TFPI: variants seen among roughly 807,000 people sequenced by gnomAD.
TFPI encodes the protein anti-convertin.
TFPI carries 15 observed loss-of-function variants against 34.6 expected under a neutral mutation model. The observed-to-expected ratio is 0.43, with a 90% CI of 0.29 to 0.67. The LOEUF is 0.67. Among genes scored for constraint, TFPI ranks in the 30% least tolerant of loss-of-function variants. TFPI has a pLI of 0.15. For synonymous variants in TFPI, 105 were observed against 120.1 expected, an observed-to-expected ratio of 0.87 and a Z score of 0.82; for missense variants, 301 against 364.0, an observed-to-expected ratio of 0.83 and a Z score of 1.41.
chr2:187,473,806 T>A (rs1692198337), intron 6 of TFPI, among the ~76,000 whole-genome samples: 1 of 150,894 alleles, frequency 6.6e-6, no homozygotes, highest in Non-Finnish European at 1.5e-5. Context: ...GTGGAGCTTT[T>A]TTTTTTCCCC....
intron 1 of TFPI, among the ~76,000 whole-genome samples, chr2:187,551,950 G>A (rs1689111570): frequency 6.6e-6 from 1 of 151,668 alleles, no homozygotes; most frequent in Non-Finnish European, 1.5e-5. Flanking sequence ...TAGATGAGTT[G>A]TATTGTAGTA....
At chr2:187,540,751 TGTG>T (rs1369153473) in intron 1 of TFPI, among the ~76,000 whole-genome samples, 11 of 151,398 alleles carry the variant, frequency 7.3e-5, no homozygotes, top group Admixed American at 2.0e-4. Flanking sequence ...ACTAGCCTGG[TGTG>T]GTGATGTGCA....
chr2:187,467,677 A>G (rs1180380063), intron 7 of TFPI, 76 bp downstream of exon 7: 1 of 1,284,668 alleles, frequency 7.8e-7, no homozygotes, highest in Admixed American at 2.7e-5. Context: ...TTAATTTCAT[A>G]TCTTAATAGA....
chr2:187,483,820 T>C (rs2106010210), intron 6 of TFPI: 1 of 327,908 alleles, frequency 3.0e-6, no homozygotes, highest in East Asian at 8.1e-5. Flanking sequence ...CTGAGGCTGA[T>C]AATTCCTAGC....
At position 187,554,259 on chromosome 2, in the gene TFPI, T is replaced by G. The variant is rs147563448; in HGVS notation, c.-62A>C. The G allele has an allele frequency of 3.5e-4, 54 of 152,320 alleles. No individual in the cohort carries two copies. Among genetic ancestry groups the G allele is most frequent in the African/African-American group, 1.3e-3 (53 of 41,560 alleles). 9.4% of individuals were successfully genotyped at this position (152,320 alleles called of 1,614,324 possible). On this transcript the variant is annotated 5_prime_UTR_variant, in exon 1 of 8. Coordinates refer to ENST00000233156, the MANE Select transcript of TFPI (RefSeq NM_006287.6). ...TTTTTCAAAACGGAGTTGAGGTTAT[T>G]TTGTTTTTCCTTCCAGGTATTGAAG...
intron 6 of TFPI, among the ~76,000 whole-genome samples, chr2:187,469,069 A>G (rs1691882090): frequency 6.6e-6 from 1 of 152,038 alleles, no homozygotes. Context: ...GAAAAGAAAT[A>G]AAACAAAGTG....
intron 6 of TFPI, among the ~76,000 whole-genome samples, chr2:187,470,182 A>G (rs954524758): frequency 3.3e-5 from 5 of 152,174 alleles, no homozygotes; most frequent in Non-Finnish European, 7.4e-5. Context: ...AGCATTTTGT[A>G]TGTAAGATAT....
At chr2:187,480,557 T>C (rs1339880691) in intron 6 of TFPI, among the ~76,000 whole-genome samples, 1 of 152,196 alleles carries the variant, frequency 6.6e-6, no homozygotes. Flanking sequence ...TTTTATCTGC[T>C]ATATCATTAT....
chr2:187,527,787 A>T (rs1487843035), intron 1 of TFPI, among the ~76,000 whole-genome samples: 1 of 152,142 alleles, frequency 6.6e-6, no homozygotes. Context: ...GTGGTTTCTT[A>T]TCTGTTAGAC....
At chr2:187,483,177 T>G (rs1693003956) in intron 6 of TFPI, among the ~76,000 whole-genome samples, 1 of 151,942 alleles carries the variant, frequency 6.6e-6, no homozygotes, top group Non-Finnish European at 1.5e-5. Flanking sequence ...TTGTTTGTTG[T>G]AAAGAGGAGT....
At chr2:187,467,168 A>C (rs1691760403) in intron 7 of TFPI, 126 bp from the exon 8 acceptor site, 1 of 625,384 alleles carries the variant, frequency 1.6e-6, no homozygotes, top group Admixed American at 3.8e-5. Flanking sequence ...AAAAGCCTTT[A>C]ATTTGTCCAT....
At chr2:187,481,963 A>G (rs1203743137) in intron 6 of TFPI, among the ~76,000 whole-genome samples, 6 of 152,008 alleles carry the variant, frequency 3.9e-5, no homozygotes, top group Admixed American at 2.0e-4. Context: ...ACAATTTTCA[A>G]TGTGCATCTA....
At chr2:187,527,869 CTACATAA>C (rs1193768108) in intron 1 of TFPI, among the ~76,000 whole-genome samples, 1 of 151,880 alleles carries the variant, frequency 6.6e-6, no homozygotes. Context: ...TATCTTAGAG[CTACATAA>C]TATATTTTTC....
At position 187,553,462 on chromosome 2, in the gene TFPI, CATT is replaced by C. The variant is rs1487160459; in HGVS notation, c.-3+735_-3+737del. ...TTCATAATTAAATAATTGTTTCTCTCATTATATTTCTGTGGTTGTTTACTGCTG... is the reference window on the plus strand; with the variant it reads ...TTCATAATTAAATAATTGTTTCTCTCATATTTCTGTGGTTGTTTACTGCTG... On this transcript the variant is annotated intron_variant, in intron 1 of 7. Coordinates refer to ENST00000233156, the MANE Select transcript of TFPI (RefSeq NM_006287.6). Among the ~76,000 whole-genome samples, 14 of 152,040 alleles carry C rather than the reference CATT, an allele frequency of 9.2e-5. No homozygotes were observed. The South Asian group carries it at 2.3e-3, about 25-fold the overall frequency.
intron 6 of TFPI, among the ~76,000 whole-genome samples, chr2:187,478,129 G>C (rs1052753700): frequency 2.6e-5 from 4 of 152,170 alleles, no homozygotes; most frequent in Non-Finnish European, 5.9e-5. Context: ...GCTCATGCCT[G>C]TAATCCCAGC....
At chr2:187,544,855 C>G (rs1688772895) in intron 1 of TFPI, among the ~76,000 whole-genome samples, 1 of 152,170 alleles carries the variant, frequency 6.6e-6, no homozygotes, top group South Asian at 2.1e-4. Flanking sequence ...TGACTCACAT[C>G]TATAAAACCA....
chr2:187,550,649 G>A (rs1177429874), intron 1 of TFPI, among the ~76,000 whole-genome samples: 1 of 152,038 alleles, frequency 6.6e-6, no homozygotes, highest in Non-Finnish European at 1.5e-5. Flanking sequence ...AACAGAATTA[G>A]CAGACAAAAA....
chr2:187,478,193 C>T (rs1010541377), intron 6 of TFPI, among the ~76,000 whole-genome samples: 1 of 152,082 alleles, frequency 6.6e-6, no homozygotes, highest in South Asian at 2.1e-4. Context: ...AACCCTGTCT[C>T]TACTGAAAAT....
chr2:187,486,770 A>C (rs1483582443), intron 4 of TFPI, among the ~76,000 whole-genome samples: 1 of 151,684 alleles, frequency 6.6e-6, no homozygotes, highest in Non-Finnish European at 1.5e-5. Flanking sequence ...GCACTTGAGT[A>C]ACACAGAATG....
Sources: allele counts gnomAD v4.1 joint callset (sites outside exome capture counted in the v4.1 genomes callset), GRCh38; gene constraint gnomAD v4.1.1; transcripts MANE v1.5; gene names NCBI Gene and HGNC (gene_info 2026-07-23, HGNC 2026-07-21).